The following INSYN2B variants were observed in gnomAD, a reference collection of about 807,000 sequenced individuals.
The protein encoded by INSYN2B is protein INSYN2B.
INSYN2B carries 16 observed loss-of-function variants against 41.2 expected under a neutral mutation model. The observed-to-expected ratio is 0.39, with a 90% CI of 0.26 to 0.59. The LOEUF (loss-of-function observed/expected upper bound fraction) is 0.59. Among genes scored for constraint, INSYN2B ranks in the 20% least tolerant of loss-of-function variants. The pLI, the probability that INSYN2B is intolerant of heterozygous loss-of-function variation, is 0.57. For synonymous variants in INSYN2B, 245 were observed against 244.4 expected, an observed-to-expected ratio of 1.00 and a Z score of -0.02; for missense variants, 608 against 646.4, an observed-to-expected ratio of 0.94 and a Z score of 0.64.
intron 1 of INSYN2B, among the ~76,000 whole-genome samples, chr5:169,908,655 A>G (rs1165500570): frequency 2.0e-5 from 3 of 149,792 alleles, no homozygotes; most frequent in East Asian, 4.0e-4. Flanking sequence ...ACAGTGAACT[A>G]TGTTTGTAGT....
intron 1 of INSYN2B, among the ~76,000 whole-genome samples, chr5:169,900,191 C>T (rs261057): frequency 3.3e-5 from 5 of 151,974 alleles, no homozygotes; most frequent in South Asian, 2.1e-4. Context: ...CACGGTAAGA[C>T]GCAAGCTTTA....
intron 3 of INSYN2B, among the ~76,000 whole-genome samples, chr5:169,871,615 C>G (rs1771978605): frequency 6.6e-6 from 1 of 152,128 alleles, no homozygotes; most frequent in Non-Finnish European, 1.5e-5. Flanking sequence ...ACAGTCTAGC[C>G]CCAAAGCTTC....
intron 1 of INSYN2B, among the ~76,000 whole-genome samples, chr5:169,900,900 C>T (rs994610467): frequency 2.0e-5 from 3 of 152,070 alleles, no homozygotes; most frequent in African/African-American, 7.2e-5. Flanking sequence ...TAGGAGTTCA[C>T]CATATATCTA....
intron 1 of INSYN2B, among the ~76,000 whole-genome samples, chr5:169,919,532 A>G (rs1164530517): frequency 6.6e-6 from 1 of 152,212 alleles, no homozygotes; most frequent in Non-Finnish European, 1.5e-5. Flanking sequence ...TTTTGACCTT[A>G]ATTCTCCAGC....
In INSYN2B at chr5:169,883,814, G is replaced by T; in HGVS notation, c.85C>A (p.His29Asn). 1 of 1,550,218 alleles carries T rather than the reference G, an allele frequency of 6.5e-7. No individual in the cohort carries two copies. Among genetic ancestry groups the T allele is most frequent in the Non-Finnish European group, 8.7e-7 (1 of 1,146,362 alleles). ...ESVEFVKQPH[H>N]RRSKSQQVRF... The stretch of plus-strand genomic sequence containing the variant: ...ACCTGCTGGGATTTGCTCCTGCGGT[G>T]GTGAGGTTGTTTCACAAACTCCACT... Residue 29 changes from histidine to asparagine, a missense_variant, in exon 2 of 4, where the codon CAC becomes AAC. Transcript: ENST00000377365.
chr5:169,954,413 T>A (rs909505592), intron 1 of INSYN2B, among the ~76,000 whole-genome samples: 1 of 152,234 alleles, frequency 6.6e-6, no homozygotes, highest in African/African-American at 2.4e-5. Context: ...TTCAGTTTTA[T>A]CTTTTTGTAT....
At chr5:169,874,046 C>T (rs1561784568) in intron 3 of INSYN2B, among the ~76,000 whole-genome samples, 1 of 152,126 alleles carries the variant, frequency 6.6e-6, no homozygotes, top group Non-Finnish European at 1.5e-5. Context: ...CAGAGAATCT[C>T]CTTTACAGAA....
At chr5:169,903,285 T>G (rs1480641274) in intron 1 of INSYN2B, among the ~76,000 whole-genome samples, 1 of 123,506 alleles carries the variant, frequency 8.1e-6, no homozygotes, top group African/African-American at 3.2e-5. Context: ...GAGATCCCCA[T>G]CTCTAAAAAA....
At chr5:169,934,836 A>G (rs1033814284) in intron 1 of INSYN2B, 1 of 412,218 alleles carries the variant, frequency 2.4e-6, no homozygotes, top group African/African-American at 2.0e-5. Flanking sequence ...GTCATCTGCA[A>G]ATAGGTAAAT....
At chr5:169,949,041 C>T (rs1189105818) in intron 1 of INSYN2B, among the ~76,000 whole-genome samples, 2 of 152,160 alleles carry the variant, frequency 1.3e-5, no homozygotes, top group African/African-American at 2.4e-5. Context: ...AGAATCACCA[C>T]GTTCCCTGAT....
At chr5:169,945,256 C>T (rs1382996923) in intron 1 of INSYN2B, among the ~76,000 whole-genome samples, 6 of 152,230 alleles carry the variant, frequency 3.9e-5, no homozygotes, top group African/African-American at 7.2e-5. Context: ...ATTCATACAA[C>T]GGGTCAATAA....
chr5:169,974,790 C>A (rs1046601945), intron 1 of INSYN2B, among the ~76,000 whole-genome samples: 2 of 152,154 alleles, frequency 1.3e-5, no homozygotes, highest in African/African-American at 4.8e-5. Flanking sequence ...GAGAATAAAT[C>A]CTTGTTTCTG....
chr5:169,914,410 C>G (rs908423308), intron 1 of INSYN2B, among the ~76,000 whole-genome samples: 48 of 152,314 alleles, frequency 3.2e-4, no homozygotes, highest in Admixed American at 8.5e-4. Flanking sequence ...AGGAACTGCT[C>G]TTGGGGAATA....
In INSYN2B at chr5:169,871,172, G is replaced by T. The variant is rs1257791718; in HGVS notation, c.1422-6713C>A. ...CAAATATCATCACATGGGGCATTAGGAATTAATCTGAATTTGAAGGGTACA... is the reference window on the plus strand; with the variant it reads ...CAAATATCATCACATGGGGCATTAGTAATTAATCTGAATTTGAAGGGTACA... On this transcript the variant is annotated intron_variant, in intron 3 of 3. Coordinates refer to ENST00000377365, the MANE Select transcript of INSYN2B (RefSeq NM_001129891.3). 1.1e-4 allele frequency among the ~76,000 whole-genome samples: 17 copies of T among 152,208 alleles called. No homozygotes were observed. In the East Asian group the frequency reaches 2.9e-3, roughly 26 times the overall value.
chr5:169,901,253 G>A (rs1773907925), intron 1 of INSYN2B, among the ~76,000 whole-genome samples: 1 of 152,158 alleles, frequency 6.6e-6, no homozygotes, highest in Admixed American at 6.5e-5. Context: ...AAAGGTATTT[G>A]GCCTTTGTAA....
chr5:169,933,879 C>T (rs1488974253), intron 1 of INSYN2B, among the ~76,000 whole-genome samples: 2 of 152,184 alleles, frequency 1.3e-5, no homozygotes, highest in Non-Finnish European at 2.9e-5. Context: ...AGAGCGTGCT[C>T]CAGGGGACAT....
chr5:169,925,737 G>A (rs995606623), intron 1 of INSYN2B, among the ~76,000 whole-genome samples: 1 of 151,584 alleles, frequency 6.6e-6, no homozygotes, highest in Non-Finnish European at 1.5e-5. Context: ...GTTGTGTGTT[G>A]GGAGCATTAA....
At chr5:169,952,022 C>A (rs757756200) in intron 1 of INSYN2B, among the ~76,000 whole-genome samples, 20 of 152,206 alleles carry the variant, frequency 1.3e-4, no homozygotes, top group Non-Finnish European at 2.4e-4. Flanking sequence ...TTAAATATTT[C>A]TATTCTCACA....
At chr5:169,932,563 T>G (rs1315237774) in intron 1 of INSYN2B, among the ~76,000 whole-genome samples, 1 of 152,044 alleles carries the variant, frequency 6.6e-6, no homozygotes, top group Non-Finnish European at 1.5e-5. Flanking sequence ...CAGTTTTGGG[T>G]TTTTTAGACC....
Sources: allele counts gnomAD v4.1 joint callset (sites outside exome capture counted in the v4.1 genomes callset), GRCh38; gene constraint gnomAD v4.1.1; transcripts MANE v1.5; gene names NCBI Gene and HGNC (gene_info 2026-07-23, HGNC 2026-07-21).